Variants in KCNK16 observed in about 807,000 individuals in gnomAD.
The protein encoded by KCNK16 is potassium channel subfamily K member 16.
In KCNK16, 23 loss-of-function variants were observed where a neutral mutation model predicts 23.0. The observed-to-expected ratio is 1.00, with a 90% confidence interval of 0.72 to 1.41. KCNK16 has a LOEUF of 1.41. Among genes scored for constraint, KCNK16 ranks in the 40% most tolerant of loss-of-function variants. The pLI, the probability that KCNK16 is intolerant of heterozygous loss-of-function variation, is 0.00. For missense variants in KCNK16, 327 were observed against 365.8 expected, an observed-to-expected ratio of 0.89 and a Z score of 0.87; for synonymous variants, 145 against 153.5, an observed-to-expected ratio of 0.94 and a Z score of 0.41.
chr6:39,315,338 G>A, downstream of KCNK16: 1 of 1,552,160 alleles, frequency 6.4e-7, no homozygotes, highest in Non-Finnish European at 8.7e-7. Flanking sequence ...GAAGGATCCT[G>A]GGATCTGCTG....
chr6:39,316,491 C>T (rs774743514), intron 4 of KCNK16, 49 bp from the exon 5 acceptor site: 1 of 1,540,472 alleles, frequency 6.5e-7, no homozygotes, highest in Admixed American at 1.9e-5. Context: ...AGGGCATAGC[C>T]ACCTCCAGTT....
upstream of KCNK16, chr6:39,322,712 T>G: frequency 1.9e-6 from 2 of 1,056,688 alleles, no homozygotes; most frequent in Non-Finnish European, 2.6e-6. Context: ...CGGCTCAGCT[T>G]GGCTGCACTA....
intron 2 of KCNK16, among the ~76,000 whole-genome samples, chr6:39,318,686 T>C (rs1406553853): frequency 6.6e-6 from 1 of 152,144 alleles, no homozygotes; most frequent in African/African-American, 2.4e-5. Flanking sequence ...GGAACTAATA[T>C]ACTCGGGACC....
At position 39,319,405 on chromosome 6, in the gene KCNK16, C is replaced by T. The variant is rs544291006; in HGVS notation, c.214-272G>A. 1.2e-4 allele frequency among the ~76,000 whole-genome samples: 18 copies of T among 152,040 alleles called. No individual in the cohort carries two copies. The highest frequency in any genetic ancestry group is 1.9e-4 in the East Asian group (1 of 5,164). The stretch of plus-strand genomic sequence containing the variant: ...TGTGGGCTGCAAGCATGGGCTGGGG[C>T]GGGAGATGGGCCTGAGGGGTGAGGT... On this transcript the variant is annotated intron_variant, in intron 1 of 4. Transcript: ENST00000437525. This position sits in a 1 kb window ranked among gnomAD's most constrained non-coding sequence, Gnocchi z 4.2.
At chr6:39,318,918 A>C in intron 2 of KCNK16, 101 bp downstream of exon 2, 1 of 787,518 alleles carries the variant, frequency 1.3e-6, no homozygotes, top group Non-Finnish European at 2.2e-6. Flanking sequence ...TTCCTGAATA[A>C]TCTCCTAGAC....
rs1044305656 is a variant in KCNK16 at position 39,319,494 on chromosome 6, A to G, written c.214-361T>C. On this transcript the variant is annotated intron_variant, in intron 1 of 4. Transcript: ENST00000437525. This position sits in a 1 kb window ranked among gnomAD's most constrained non-coding sequence, Gnocchi z 4.2. Reference sequence around the variant, plus strand: ...TGGTGGCCAAAAGGATGGCACCCACATCAGCTGTTAGAACAATGGGAGGAT... The same window carrying G: ...TGGTGGCCAAAAGGATGGCACCCACGTCAGCTGTTAGAACAATGGGAGGAT... Among the ~76,000 whole-genome samples, 6 of 152,106 alleles carry G rather than the reference A, an allele frequency of 3.9e-5. No individual in the cohort carries two copies. Among genetic ancestry groups the G allele is most frequent in the Non-Finnish European group, 7.4e-5 (5 of 68,020 alleles).
intron 1 of KCNK16, among the ~76,000 whole-genome samples, chr6:39,320,243 C>T (rs1762466426): frequency 6.6e-6 from 1 of 152,230 alleles, no homozygotes. Flanking sequence ...CGGGAACTGG[C>T]CTCTTAAGAT....
downstream of KCNK16, chr6:39,315,330 A>G: frequency 1.3e-6 from 2 of 1,552,676 alleles, no homozygotes; most frequent in East Asian, 4.9e-5. Flanking sequence ...ACTTTCTGGA[A>G]GGATCCTGGG....
At chr6:39,322,830 C>T (rs1394515696), upstream of KCNK16, 1 of 413,048 alleles carries the variant, frequency 2.4e-6, no homozygotes, top group Non-Finnish European at 4.4e-6. Context: ...CTACCAGGTT[C>T]TCCTGAGTGC....
At chr6:39,321,618 C>T (rs1403976979) in intron 1 of KCNK16, among the ~76,000 whole-genome samples, 1 of 152,190 alleles carries the variant, frequency 6.6e-6, no homozygotes, top group Non-Finnish European at 1.5e-5. Flanking sequence ...CGCTCCAGTG[C>T]CTATTTCAGA....
chr6:39,316,929 G>T lies in KCNK16; in HGVS notation c.514C>A (p.Leu172Met), dbSNP rs61745897. 6.2e-7 allele frequency: 1 copy of T among 1,613,370 alleles called. No homozygotes were observed. The highest frequency in any genetic ancestry group is 1.7e-5 in the Admixed American group (1 of 59,976). Residue 172 changes from leucine (L) to methionine (M), a missense_variant, in exon 4 of 5, where the codon CTG becomes ATG. Leu to Met is a conservative substitution (Grantham distance 15). Transcript: ENST00000437525. Reference protein sequence around the residue: ...RRSQVLQVLGLALFLTLGTLV... With the variant: ...RRSQVLQVLGMALFLTLGTLV... ...GTCCCCAGGGTCAGGAACAGAGCCAGGCCCAGGACTTGCAGTACCTAGGAG... is the reference window on the plus strand; with the variant it reads ...GTCCCCAGGGTCAGGAACAGAGCCATGCCCAGGACTTGCAGTACCTAGGAG...
chr6:39,322,547 GC>G lies in KCNK16; in HGVS notation c.-8del. 6.3e-7 allele frequency: 1 copy of G among 1,587,586 alleles called. No homozygotes were observed. The highest frequency in any genetic ancestry group is 8.5e-7 in the Non-Finnish European group (1 of 1,170,630). ...AGAGCCCAGCACTGGGCATGCTGTG[GC>G]CAGGACCCTGCCAGGGCCGTGGGGC... is the stretch of plus-strand genomic sequence containing the variant. On this transcript the variant is annotated 5_prime_UTR_variant, in exon 1 of 5. Coordinates refer to ENST00000437525, the MANE Select transcript of KCNK16 (RefSeq NM_001135106.2).
At position 39,322,599 on chromosome 6, in the gene KCNK16, AGGTGAG is replaced by A. The variant is rs1364432951; in HGVS notation, c.-65_-60del. 60 of 1,521,086 alleles carry A rather than the reference AGGTGAG, an allele frequency of 3.9e-5. No homozygotes were observed. The highest frequency in any genetic ancestry group is 5.3e-5 in the Non-Finnish European group (60 of 1,137,796). 94.2% of individuals were successfully genotyped at this position (1,521,086 alleles called of 1,614,324 possible). On this transcript the variant is annotated 5_prime_UTR_variant, in exon 1 of 5. Transcript: ENST00000437525. ...TGGCTATGGGGGAGAGGTGGGAAACAGGTGAGGAGTAAGCACCTAGGGGCCTGTGCC... is the reference window on the plus strand; with the variant it reads ...TGGCTATGGGGGAGAGGTGGGAAACAGAGTAAGCACCTAGGGGCCTGTGCC...
At chr6:39,314,946 A>T (rs1762252075), downstream of KCNK16, 1 of 1,494,636 alleles carries the variant, frequency 6.7e-7, no homozygotes, top group Non-Finnish European at 9.0e-7. Flanking sequence ...GGCCCCCGAA[A>T]TCCCTCTACC....
chr6:39,322,759 C>T, upstream of KCNK16: 1 of 617,910 alleles, frequency 1.6e-6, no homozygotes, highest in Non-Finnish European at 2.6e-6. Flanking sequence ...CCGGCCACCC[C>T]CACCCGGCCT....
At chr6:39,321,873 C>G in intron 1 of KCNK16, among the ~76,000 whole-genome samples, 1 of 152,204 alleles carries the variant, frequency 6.6e-6, no homozygotes, top group Non-Finnish European at 1.5e-5. Flanking sequence ...CACCCGCAGC[C>G]GTCTGCCCAG....
intron 1 of KCNK16, among the ~76,000 whole-genome samples, chr6:39,321,228 C>A (rs73731789): frequency 6.6e-6 from 1 of 152,106 alleles, no homozygotes; most frequent in Non-Finnish European, 1.5e-5. Context: ...ATTCTGGTCC[C>A]GGGACTACAC....
Position 39,322,615 on chromosome 6 carries a change from C to G in KCNK16, c.-75G>C. On this transcript the variant is annotated 5_prime_UTR_variant, in exon 1 of 5. Transcript: ENST00000437525. ...GTGGGAAACAGGTGAGGAGTAAGCA[C>G]CTAGGGGCCTGTGCCCAGGCTGCCG... The G allele has an allele frequency of 6.7e-7, 1 of 1,495,514 alleles. No individual in the cohort carries two copies. Among genetic ancestry groups the G allele is most frequent in the Non-Finnish European group, 8.9e-7 (1 of 1,126,096 alleles). The allele number at this position is 1,495,514 out of a possible 1,614,324, so 92.6% of individuals were successfully genotyped here. A position where few individuals can be genotyped will look rare whatever the true frequency, so the allele number is the denominator to read the frequency against.
downstream of KCNK16, chr6:39,315,151 C>T (rs775016938): frequency 2.5e-6 from 4 of 1,614,250 alleles, no homozygotes; most frequent in Non-Finnish European, 3.4e-6. Flanking sequence ...AACCCAGCCA[C>T]ATAGGAGCCC....
Sources: allele counts gnomAD v4.1 joint callset (sites outside exome capture counted in the v4.1 genomes callset), GRCh38; gene constraint gnomAD v4.1.1; non-coding constraint Gnocchi (gnomAD v3.1); transcripts MANE v1.5; gene names NCBI Gene and HGNC (gene_info 2026-07-23, HGNC 2026-07-21).